The following RBFOX1 variants were observed in gnomAD, a reference collection of about 807,000 sequenced individuals.
RBFOX1 encodes the protein RNA binding fox-1 homolog 1, also known as RNA binding protein fox-1 homolog 1.
RBFOX1 carries 8 observed loss-of-function variants against 57.7 expected under a neutral mutation model. The observed-to-expected ratio is 0.14, with a 90% CI of 0.08 to 0.25. The LOEUF (loss-of-function observed/expected upper bound fraction) is 0.25. Among genes scored for constraint, RBFOX1 ranks in the 10% least tolerant of loss-of-function variants. RBFOX1 has a pLI of 1.00. For synonymous variants in RBFOX1, 326 were observed against 222.4 expected (o/e 1.47, Z -4.15); for missense variants, 611 against 548.5 (o/e 1.11, Z -1.14).
intron 3 of RBFOX1, among the ~76,000 whole-genome samples, chr16:6,775,063 C>G (rs1429261249): frequency 6.6e-6 from 1 of 151,636 alleles, no homozygotes; most frequent in Non-Finnish European, 1.5e-5. Context: ...CAGTGGCTCA[C>G]GCCTGTAATC....
At chr16:7,244,562 C>G (rs2094211195) in intron 4 of RBFOX1, among the ~76,000 whole-genome samples, 1 of 152,196 alleles carries the variant, frequency 6.6e-6, no homozygotes, top group Non-Finnish European at 1.5e-5. Flanking sequence ...AGTTGCAATG[C>G]TCCTAGAGAA....
chr16:6,246,476 C>T (rs2097569727), intron 1 of RBFOX1, among the ~76,000 whole-genome samples: 2 of 152,224 alleles, frequency 1.3e-5, no homozygotes, highest in South Asian at 2.1e-4. Flanking sequence ...GGAAGGACTC[C>T]AGTTGGCTTG....
intron 3 of RBFOX1, among the ~76,000 whole-genome samples, chr16:6,859,185 G>GTATATATATATGTA (rs1469773562): frequency 2.3e-5 from 1 of 44,028 alleles, no homozygotes; most frequent in African/African-American, 9.1e-5. Context: ...GTATATATAT[G>GTATATATATATGTA]TATATATATA....
chr16:6,612,383 T>G (rs556856450), intron 2 of RBFOX1, among the ~76,000 whole-genome samples: 1 of 152,202 alleles, frequency 6.6e-6, no homozygotes, highest in Non-Finnish European at 1.5e-5. Flanking sequence ...TTAAAAGTAG[T>G]AAATAAAAAC....
At chr16:5,903,272 T>C (rs2058354389) in intron 4 of RBFOX1, among the ~76,000 whole-genome samples, 1 of 152,188 alleles carries the variant, frequency 6.6e-6, no homozygotes. Context: ...CTGACATATT[T>C]CACCACTGCT....
chr16:6,777,211 G>C (rs539966231), intron 3 of RBFOX1, among the ~76,000 whole-genome samples: 2 of 152,158 alleles, frequency 1.3e-5, no homozygotes, highest in Admixed American at 6.5e-5. Flanking sequence ...ATCTAGTACT[G>C]TAGGTAATTA....
intron 3 of RBFOX1, among the ~76,000 whole-genome samples, chr16:5,787,641 A>T (rs1311501664): frequency 6.6e-6 from 1 of 152,208 alleles, no homozygotes; most frequent in Non-Finnish European, 1.5e-5. Flanking sequence ...CTTTGTAGAA[A>T]AGGTGACAAA....
intron 3 of RBFOX1, among the ~76,000 whole-genome samples, chr16:6,698,303 T>C (rs1318312689): frequency 1.3e-5 from 2 of 152,128 alleles, no homozygotes; most frequent in Non-Finnish European, 2.9e-5. Context: ...TCTAAACCAG[T>C]CCATTTTTCT....
At chr16:6,852,083 G>A (rs551883256) in intron 3 of RBFOX1, among the ~76,000 whole-genome samples, 11 of 151,876 alleles carry the variant, frequency 7.2e-5, no homozygotes, top group African/African-American at 1.2e-4. Flanking sequence ...CTGCCACCAC[G>A]TAACTACCAC....
chr16:6,964,929 G>C (rs933276333), intron 3 of RBFOX1, among the ~76,000 whole-genome samples: 1 of 152,132 alleles, frequency 6.6e-6, no homozygotes, highest in Non-Finnish European at 1.5e-5. Flanking sequence ...CCATCTCTGC[G>C]GATTAAAGGA....
At chr16:6,600,709 A>G (rs2097842816) in intron 2 of RBFOX1, among the ~76,000 whole-genome samples, 1 of 152,222 alleles carries the variant, frequency 6.6e-6, no homozygotes, top group South Asian at 2.1e-4. Context: ...ACCATTTAGG[A>G]AACAGCCCCG....
At chr16:5,722,962 A>C (rs927831814) in intron 3 of RBFOX1, among the ~76,000 whole-genome samples, 12 of 152,336 alleles carry the variant, frequency 7.9e-5, no homozygotes, top group African/African-American at 2.9e-4. Flanking sequence ...TCATAAGGGC[A>C]GAGGCCCTAT....
At chr16:5,401,838 A>G (rs1364305190) in intron 1 of RBFOX1, among the ~76,000 whole-genome samples, 1 of 146,270 alleles carries the variant, frequency 6.8e-6, no homozygotes, top group Non-Finnish European at 1.5e-5. Context: ...CTTCCTCATC[A>G]TCATTTCTGT....
At chr16:6,797,965 CGGTGAT>C (rs1233951509) in intron 3 of RBFOX1, among the ~76,000 whole-genome samples, 2 of 151,600 alleles carry the variant, frequency 1.3e-5, no homozygotes, top group African/African-American at 4.9e-5. Flanking sequence ...ATGGTGATCA[CGGTGAT>C]GGTGATAGCG....
rs925891086 is a variant in RBFOX1, at chr16:6,618,581, G to A, written c.-63-36022G>A. The stretch of plus-strand genomic sequence containing the variant: ...CAAATGCTGACATGATACTCGTTTC[G>A]AGGAGGAGAGAATCAGAATACAGAA... On this transcript the variant is annotated intron_variant, in intron 2 of 15. Transcript: ENST00000550418. Among the ~76,000 whole-genome samples the A allele has an allele frequency of 5.9e-5, 9 of 152,268 alleles. No individual in the cohort carries two copies. The East Asian group carries it at 1.5e-3, about 26-fold the overall frequency.
intron 4 of RBFOX1, among the ~76,000 whole-genome samples, chr16:7,270,015 C>A (rs1038564159): frequency 6.6e-6 from 1 of 152,146 alleles, no homozygotes; most frequent in African/African-American, 2.4e-5. Context: ...TTTCGTAATG[C>A]CAAGAGTAAA....
At chr16:6,299,134 C>A (rs1353262600) in intron 1 of RBFOX1, among the ~76,000 whole-genome samples, 1 of 152,154 alleles carries the variant, frequency 6.6e-6, no homozygotes, top group East Asian at 1.9e-4. Flanking sequence ...CTGGTGGTAA[C>A]ATTAGAATGA....
At chr16:5,553,360 G>A (rs1361126174) in intron 2 of RBFOX1, among the ~76,000 whole-genome samples, 2 of 151,286 alleles carry the variant, frequency 1.3e-5, no homozygotes, top group African/African-American at 4.9e-5. Flanking sequence ...CTTTTACCCG[G>A]GCCAGAGTGC....
chr16:6,486,260 T>C (rs545382840), intron 2 of RBFOX1, among the ~76,000 whole-genome samples: 158 of 152,082 alleles, frequency 1.0e-3, no homozygotes, highest in Non-Finnish European at 2.0e-3. Flanking sequence ...GACAACCTGC[T>C]TGAATGGGCC....
Sources: gnomAD v4.1 joint callset for allele counts (sites outside exome capture counted in the v4.1 genomes callset) on GRCh38, gnomAD v4.1.1 for gene constraint, MANE v1.5 for transcripts, NCBI Gene and HGNC (gene_info 2026-07-23, HGNC 2026-07-21) for gene names.